The following ARHGAP44 variants were observed in gnomAD, a reference collection of about 807,000 sequenced individuals.
The protein encoded by ARHGAP44 is Rho GTPase activating protein 44, also known as rho GTPase-activating protein 44.
Under a neutral mutation model 106.8 loss-of-function variants are expected in ARHGAP44, and 43 were observed. The observed-to-expected ratio is 0.40, with a 90% CI of 0.32 to 0.52. The LOEUF (loss-of-function observed/expected upper bound fraction) is 0.52, where lower values mean the gene tolerates loss of function less well. Among genes scored for constraint, ARHGAP44 ranks in the 20% least tolerant of loss-of-function variants. The pLI is 0.48. For synonymous variants in ARHGAP44, 439 were observed against 410.3 expected (o/e 1.07, Z -0.85); for missense variants, 866 against 1,050.5 (o/e 0.82, Z 2.43).
intron 1 of ARHGAP44, among the ~76,000 whole-genome samples, chr17:12,880,540 G>A (rs958879276): frequency 6.6e-6 from 1 of 151,998 alleles, no homozygotes; most frequent in Non-Finnish European, 1.5e-5. Context: ...GTACCTCTAA[G>A]AGTCACTCAT....
chr17:12,971,423 AG>A (rs2039524832), intron 16 of ARHGAP44, among the ~76,000 whole-genome samples: 1 of 152,196 alleles, frequency 6.6e-6, no homozygotes, highest in African/African-American at 2.4e-5. Flanking sequence ...TTAGATTTTT[AG>A]GACTCCTTGT....
intron 1 of ARHGAP44, among the ~76,000 whole-genome samples, chr17:12,818,269 A>G (rs2034656742): frequency 6.7e-6 from 1 of 149,578 alleles, no homozygotes; most frequent in African/African-American, 2.4e-5. Flanking sequence ...AAATCCATTC[A>G]TGATAAGACA....
At chr17:12,896,294 C>T (rs1202818677) in intron 2 of ARHGAP44, 113 bp from the exon 3 acceptor site, 7 of 822,550 alleles carry the variant, frequency 8.5e-6, no homozygotes, top group Non-Finnish European at 1.1e-5. Context: ...AAAGCTGTCT[C>T]TCCAGGAGTC....
chr17:12,868,591 TTATATATA>T (rs1209692482), intron 1 of ARHGAP44, among the ~76,000 whole-genome samples: 1,679 of 47,148 alleles, frequency 0.036, 44 homozygotes, highest in African/African-American at 0.084. Flanking sequence ...TATATGCATT[TTATATATA>T]TATATATATA....
At chr17:12,869,155 CAGAG>C (rs1328379791) in intron 1 of ARHGAP44, among the ~76,000 whole-genome samples, 1 of 151,850 alleles carries the variant, frequency 6.6e-6, no homozygotes, top group Non-Finnish European at 1.5e-5. Context: ...TGGAGAGACT[CAGAG>C]AGCAGTGAAG....
chr17:12,952,632 C>T, intron 13 of ARHGAP44, 51 bp downstream of exon 13: 2 of 1,382,690 alleles, frequency 1.4e-6, no homozygotes, highest in African/African-American at 1.4e-5. Flanking sequence ...TTATGTAAGC[C>T]TCAGAGATAC....
At chr17:12,912,539 C>T (rs972422203) in intron 4 of ARHGAP44, among the ~76,000 whole-genome samples, 7 of 152,002 alleles carry the variant, frequency 4.6e-5, no homozygotes, top group Admixed American at 2.6e-4. Flanking sequence ...CAGCATATTC[C>T]GGATCTTGAG....
intron 3 of ARHGAP44, among the ~76,000 whole-genome samples, chr17:12,905,400 C>T (rs766767637): frequency 3.3e-5 from 5 of 152,176 alleles, no homozygotes; most frequent in Non-Finnish European, 7.3e-5. Context: ...GGCTCAGGAG[C>T]AGGGTGCCTC....
chr17:12,809,071 C>G (rs552334679), intron 1 of ARHGAP44, among the ~76,000 whole-genome samples: 15 of 152,298 alleles, frequency 9.8e-5, no homozygotes, highest in Admixed American at 3.9e-4. Context: ...CTATGAGTCT[C>G]TTTGCTAAAA....
intron 18 of ARHGAP44, among the ~76,000 whole-genome samples, chr17:12,978,273 A>T (rs2039746240): frequency 1.3e-5 from 2 of 152,192 alleles, no homozygotes; most frequent in African/African-American, 2.4e-5. Flanking sequence ...ATGCCCGGGT[A>T]CCTGGTAACC....
At chr17:12,913,242 T>G (rs140841405) in intron 4 of ARHGAP44, among the ~76,000 whole-genome samples, 103 of 152,324 alleles carry the variant, frequency 6.8e-4, no homozygotes, top group African/African-American at 2.4e-3. Flanking sequence ...AGGTTTAATT[T>G]TTTTTTAATC....
Position 12,984,894 on chromosome 17 carries a change from A to C in ARHGAP44, c.2303A>C (p.Glu768Ala). The C allele has an allele frequency of 6.2e-7, 1 of 1,609,204 alleles. No individual in the cohort carries two copies. The highest frequency in any genetic ancestry group is 8.5e-7 in the Non-Finnish European group (1 of 1,176,546). Residue 768 changes from glutamate to alanine, a missense_variant, in exon 20 of 21, where the codon GAA becomes GCA. Around this residue, in one of 2 missense-constraint regions of ARHGAP44, gnomAD observed 418 missense variants for 403.6 expected, o/e 1.04. Transcript: ENST00000379672. The stretch of plus-strand genomic sequence containing the variant: ...ATGCTAGATGGCATGTCCCCTGGGG[A>C]AAGCATGTCTACAGGTAACCAAGCC... ...APMLDGMSPG[E>A]SMSTDLVHFD...
At position 12,789,763 on chromosome 17, in the gene ARHGAP44, C is replaced by T; in HGVS notation, c.-76C>T. 1.5e-6 allele frequency: 2 copies of T among 1,315,690 alleles called. No homozygotes were observed. The highest frequency in any genetic ancestry group is 2.0e-6 in the Non-Finnish European group (2 of 1,012,410). 81.5% of individuals were successfully genotyped at this position (1,315,690 alleles called of 1,614,324 possible). A position where few individuals can be genotyped will look rare whatever the true frequency, so the allele number is the denominator to read the frequency against. On this transcript the variant is annotated 5_prime_UTR_variant, in exon 1 of 21. Transcript: ENST00000379672. ...TCGCCCGGGAGGCTCCGCGCGGGAG[C>T]CATGTAACCCTGCGGCGGGCTCCGG...
intron 6 of ARHGAP44, among the ~76,000 whole-genome samples, chr17:12,923,315 A>T (rs967126746): frequency 1.2e-4 from 18 of 151,872 alleles, no homozygotes; most frequent in African/African-American, 4.1e-4. Flanking sequence ...GGTTCAAGCG[A>T]TTCTCCTGCC....
chr17:12,866,436 C>T (rs77112635), intron 1 of ARHGAP44, among the ~76,000 whole-genome samples: 3,934 of 152,240 alleles, frequency 0.026, 164 homozygotes, highest in African/African-American at 0.086. Context: ...CCCACAGCAT[C>T]AGCCTAGACC....
At position 12,958,897 on chromosome 17, in the gene ARHGAP44, G is replaced by A; in HGVS notation, c.1523G>A (p.Gly508Asp). ...ATGCTGGAGTTTTACAAAAAGGATG[G>A]GTATGAACTGGTGTCTCTTTCTCAG... Reference protein sequence around the residue: ...NMMLEFYKKDGLRKIQSMGVR... With the variant: ...NMMLEFYKKDDLRKIQSMGVR... Residue 508 changes from glycine (G) to aspartate (D), a missense_variant and splice_region_variant, in exon 16 of 21, where the codon GGC (glycine) becomes GAC (aspartate). Physicochemically the swap from Gly to Asp is moderately conservative, Grantham distance 94. Around this residue, in one of 2 missense-constraint regions of ARHGAP44, gnomAD observed 448 missense variants for 646.9 expected, o/e 0.69. Transcript: ENST00000379672. This position sits in a 1 kb window ranked among gnomAD's most constrained non-coding sequence, Gnocchi z 4.1. 6.2e-7 allele frequency: 1 copy of A among 1,601,256 alleles called. No individual in the cohort carries two copies. Among genetic ancestry groups the A allele is most frequent in the African/African-American group, 1.3e-5 (1 of 74,872 alleles).
intron 1 of ARHGAP44, among the ~76,000 whole-genome samples, chr17:12,814,840 AAAAAAACCCC>A (rs1278519816): frequency 1.3e-5 from 2 of 151,816 alleles, no homozygotes; most frequent in Admixed American, 6.6e-5. Flanking sequence ...TATCTTTCTG[AAAAAAACCCC>A]AAAAAACCCC....
intron 9 of ARHGAP44, 41 bp downstream of exon 9, chr17:12,943,710 C>G (rs772512836): frequency 6.3e-7 from 1 of 1,588,522 alleles, no homozygotes; most frequent in South Asian, 1.1e-5. Flanking sequence ...GGCCGGGGTG[C>G]CTGCTTGCCT....
At chr17:12,790,144 T>C in intron 1 of ARHGAP44, 1 of 461,074 alleles carries the variant, frequency 2.2e-6, no homozygotes, top group Non-Finnish European at 3.8e-6. Flanking sequence ...ATCCTTTACC[T>C]GCGTCCCCGG....
Sources: allele counts gnomAD v4.1 joint callset (sites outside exome capture counted in the v4.1 genomes callset), GRCh38; gene constraint gnomAD v4.1.1; regional missense constraint gnomAD v4.1.1; non-coding constraint Gnocchi (gnomAD v3.1); transcripts MANE v1.5; gene names NCBI Gene and HGNC (gene_info 2026-07-23, HGNC 2026-07-21).